The following THRB variants were observed in gnomAD, a reference collection of about 807,000 sequenced individuals.
The protein encoded by THRB is nuclear receptor subfamily 1 group A member 2.
Under a neutral mutation model 47.8 loss-of-function variants are expected in THRB, and 12 were observed. That is an observed-to-expected ratio of 0.25 (90% CI 0.16 to 0.41). The LOEUF is 0.41. Among genes scored for constraint, THRB ranks in the 10% least tolerant of loss-of-function variants. The probability of loss-of-function intolerance (pLI) is 1.00; values close to 1 mark genes in which losing one functional copy is unlikely to be tolerated. For missense variants in THRB, 348 were observed against 589.2 expected, an observed-to-expected ratio of 0.59 and a Z score of 4.24; for synonymous variants, 218 against 212.2, an observed-to-expected ratio of 1.03 and a Z score of -0.24.
intron 3 of THRB, among the ~76,000 whole-genome samples, chr3:24,280,772 G>C (rs1046870154): frequency 1.3e-5 from 2 of 151,836 alleles, no homozygotes; most frequent in African/African-American, 4.8e-5. Flanking sequence ...ACCAAGGCTC[G>C]AGAACTACGT....
intron 3 of THRB, among the ~76,000 whole-genome samples, chr3:24,271,444 G>A (rs1483393047): frequency 6.6e-6 from 1 of 152,146 alleles, no homozygotes; most frequent in East Asian, 1.9e-4. Flanking sequence ...CCAATGCTGT[G>A]GTGTGAGGTT....
intron 2 of THRB, among the ~76,000 whole-genome samples, chr3:24,333,223 T>A (rs1197064645): frequency 1.3e-5 from 2 of 152,196 alleles, no homozygotes; most frequent in African/African-American, 4.8e-5. Flanking sequence ...TGGAAAAATG[T>A]CAATAAATTG....
intron 2 of THRB, among the ~76,000 whole-genome samples, chr3:24,302,474 T>A (rs1476415260): frequency 6.6e-6 from 1 of 152,254 alleles, no homozygotes; most frequent in African/African-American, 2.4e-5. Flanking sequence ...TGATAATTCT[T>A]GTAAATAAAG....
intron 3 of THRB, among the ~76,000 whole-genome samples, chr3:24,229,881 C>G (rs576858214): frequency 6.6e-6 from 1 of 152,170 alleles, no homozygotes; most frequent in African/African-American, 2.4e-5. Flanking sequence ...TGAGGTCCAA[C>G]GTTGTAATAT....
intron 7 of THRB, 74 bp downstream of exon 7, chr3:24,146,601 C>T: frequency 6.6e-6 from 10 of 1,514,018 alleles, no homozygotes; most frequent in Non-Finnish European, 8.2e-6. Context: ...CTTTTCTGCC[C>T]AGTCGATCTC....
At chr3:24,313,810 T>C (rs2057927675) in intron 2 of THRB, among the ~76,000 whole-genome samples, 1 of 152,162 alleles carries the variant, frequency 6.6e-6, no homozygotes, top group East Asian at 1.9e-4. Context: ...AAAAACAACT[T>C]TAAGATACCA....
chr3:24,464,021 C>T lies in THRB; in HGVS notation c.-261+30631G>A, dbSNP rs377563419. On this transcript the variant is annotated intron_variant, in intron 1 of 10. Coordinates refer to ENST00000646209, the MANE Select transcript of THRB (RefSeq NM_001354712.2). ...CAGCACTTTGGGAGGCCGAGGTGGGCGGATCACGAGGTCAGGAGATCGAAA... is the reference window on the plus strand; with the variant it reads ...CAGCACTTTGGGAGGCCGAGGTGGGTGGATCACGAGGTCAGGAGATCGAAA... 5.3e-5 allele frequency among the ~76,000 whole-genome samples: 8 copies of T among 152,168 alleles called. No homozygotes were observed. In the South Asian group the frequency reaches 1.7e-3, roughly 32 times the overall value.
chr3:24,346,683 T>C (rs1199096960), intron 1 of THRB, among the ~76,000 whole-genome samples: 1 of 151,944 alleles, frequency 6.6e-6, no homozygotes, highest in Admixed American at 6.6e-5. Context: ...TTACTAGAGA[T>C]AAAAAAGACA....
At chr3:24,149,326 A>G (rs555702307) in intron 6 of THRB, among the ~76,000 whole-genome samples, 1 of 152,296 alleles carries the variant, frequency 6.6e-6, no homozygotes, top group East Asian at 1.9e-4. Context: ...TTACTAGGAT[A>G]GGAAGATTGT....
intron 2 of THRB, among the ~76,000 whole-genome samples, chr3:24,305,446 A>C (rs2057271096): frequency 6.6e-6 from 1 of 152,206 alleles, no homozygotes; most frequent in African/African-American, 2.4e-5. Flanking sequence ...TAGAAGTTGC[A>C]TGTGTAGGGT....
At chr3:24,330,034 G>A (rs1344814004) in intron 2 of THRB, among the ~76,000 whole-genome samples, 1 of 152,196 alleles carries the variant, frequency 6.6e-6, no homozygotes, top group African/African-American at 2.4e-5. Flanking sequence ...GGCCAGGCGC[G>A]GTGGCTCACG....
chr3:24,138,344 T>G (rs142460354), intron 8 of THRB, among the ~76,000 whole-genome samples: 1 of 152,060 alleles, frequency 6.6e-6, no homozygotes, highest in East Asian at 1.9e-4. Context: ...CCATGGGATA[T>G]GACTACAGCC....
chr3:24,127,005 T>G (rs189719944), intron 10 of THRB, among the ~76,000 whole-genome samples: 33 of 152,336 alleles, frequency 2.2e-4, no homozygotes, highest in African/African-American at 7.0e-4. Flanking sequence ...CCAGCTGAAC[T>G]CCAGCCATCT....
intron 4 of THRB, among the ~76,000 whole-genome samples, chr3:24,215,097 G>C (rs561063424): frequency 7.2e-5 from 11 of 152,018 alleles, no homozygotes; most frequent in Non-Finnish European, 1.2e-4. Context: ...CTTAGCTATA[G>C]AGGGCAAAAA....
intron 3 of THRB, among the ~76,000 whole-genome samples, chr3:24,269,397 GCGCGCGCACACACACACACACA>G (rs2053047203): frequency 8.8e-6 from 1 of 113,790 alleles, no homozygotes; most frequent in Non-Finnish European, 1.7e-5. Flanking sequence ...ACGCGCGCGC[GCGCGCGCACACACACACACACA>G]CACACACACA....
intron 7 of THRB, chr3:24,144,450 T>C (rs191558205): frequency 6.5e-6 from 1 of 152,718 alleles, no homozygotes; most frequent in Non-Finnish European, 1.5e-5. Flanking sequence ...GAGCTTTCAT[T>C]TCTTCCTATA....
chr3:24,123,257 G>C, intron 10 of THRB, 132 bp from the exon 11 acceptor site: 1 of 1,326,520 alleles, frequency 7.5e-7, no homozygotes, highest in Non-Finnish European at 1.1e-6. Flanking sequence ...CATGGATGCA[G>C]CGTGAACTCT....
In THRB at chr3:24,127,485, C is replaced by T; in HGVS notation, c.1144+14G>A. 1 of 1,614,090 alleles carries T rather than the reference C, an allele frequency of 6.2e-7. No individual in the cohort carries two copies. Among genetic ancestry groups the T allele is most frequent in the South Asian group, 1.1e-5 (1 of 91,072 alleles). ...GCTCTTTGGATGCCCACTAACGAGTCTAGGCGTACTCACCTGAAGACATCA... is the reference window on the plus strand; with the variant it reads ...GCTCTTTGGATGCCCACTAACGAGTTTAGGCGTACTCACCTGAAGACATCA... On this transcript the variant is annotated intron_variant, in intron 10 of 10. Transcript: ENST00000646209.
chr3:24,408,030 C>A (rs560645422), intron 1 of THRB, among the ~76,000 whole-genome samples: 1 of 151,928 alleles, frequency 6.6e-6, no homozygotes, highest in African/African-American at 2.4e-5. Context: ...TTAAAAAGTA[C>A]AGCTAGAAAT....
Sources: allele counts gnomAD v4.1 joint callset (sites outside exome capture counted in the v4.1 genomes callset), GRCh38; gene constraint gnomAD v4.1.1; transcripts MANE v1.5; gene names NCBI Gene and HGNC (gene_info 2026-07-23, HGNC 2026-07-21).